Variants in CLSTN1 observed in about 807,000 individuals in gnomAD.
CLSTN1 encodes calsyntenin 1.
Under a neutral mutation model 108.3 loss-of-function variants are expected in CLSTN1, and 28 were observed. The observed-to-expected ratio is 0.26, with a 90% CI of 0.19 to 0.35. The LOEUF (loss-of-function observed/expected upper bound fraction) is 0.35, where lower values mean the gene tolerates loss of function less well. Among genes scored for constraint, CLSTN1 ranks in the 10% least tolerant of loss-of-function variants. The pLI is 1.00. For synonymous variants in CLSTN1, 524 were observed against 534.9 expected (o/e 0.98, Z 0.28); for missense variants, 1,157 against 1,302.6 (o/e 0.89, Z 1.72).
At chr1:9,804,768 G>A (rs1348058718) in intron 1 of CLSTN1, among the ~76,000 whole-genome samples, 1 of 152,160 alleles carries the variant, frequency 6.6e-6, no homozygotes, top group Admixed American at 6.6e-5. Flanking sequence ...GAAAGTCAAG[G>A]CTGCAGTGAG....
At chr1:9,802,965 C>T (rs914149850) in intron 1 of CLSTN1, among the ~76,000 whole-genome samples, 16 of 151,816 alleles carry the variant, frequency 1.1e-4, no homozygotes, top group African/African-American at 3.6e-4. Context: ...ACTGGGGCCA[C>T]AGGCACCTGC....
At chr1:9,733,652 T>C in intron 15 of CLSTN1, 106 bp from the exon 16 acceptor site, 1 of 1,362,812 alleles carries the variant, frequency 7.3e-7, no homozygotes, top group Non-Finnish European at 1.0e-6. Context: ...CCAGGTTAGC[T>C]AGGCCAAGGG....
At chr1:9,744,969 GC>G in intron 7 of CLSTN1, among the ~76,000 whole-genome samples, 2 of 152,270 alleles carry the variant, frequency 1.3e-5, no homozygotes, top group Middle Eastern at 6.8e-3. Context: ...GGCCAGGCTG[GC>G]CTGGAACTCC....
chr1:9,786,358 G>T (rs1197522458), intron 1 of CLSTN1, among the ~76,000 whole-genome samples: 1 of 151,828 alleles, frequency 6.6e-6, no homozygotes, highest in Non-Finnish European at 1.5e-5. Context: ...TACGAAAGGT[G>T]AGGCTGGGCG....
rs1475470415 is a variant in CLSTN1, at chr1:9,735,490, T to C, written c.1860A>G (p.Arg620=). 3 of 1,614,006 alleles carry C rather than the reference T, an allele frequency of 1.9e-6. No individual in the cohort carries two copies. Among genetic ancestry groups the C allele is most frequent in the African/African-American group, 2.7e-5 (2 of 74,898 alleles). Residue 620 remains arginine, a synonymous_variant, in exon 13 of 19, where the codon AGA becomes AGG. Transcript: ENST00000377298. The part of the protein sequence containing the change: ...SRQFPTPGIR[R]LKITSTIKCF... ...ACTTGATTGTGCTGGTGATTTTGAG[T>C]CTGCGAATTCCGGGCGTGGGGAACT...
chr1:9,730,568 G>T lies in CLSTN1; in HGVS notation c.2886C>A (p.Asp962Glu), dbSNP rs150910188. The change falls in exon 19 of 19, where the codon GAC (aspartate) becomes GAA (glutamate). Residue 962 changes from aspartate (D) to glutamate (E), a missense_variant. By Grantham distance (45) the Asp-to-Glu change is conservative (BLOSUM62 2). Transcript: ENST00000377298. The surrounding 1 kb of genome is among the most constrained non-coding windows in gnomAD (Gnocchi z 5.6). ...GCTGCTGCCGGGTTGCGTTCTGGGGGTCGCCCTGCTCCCCCTCCTCCTCCT... is the reference window on the plus strand; with the variant it reads ...GCTGCTGCCGGGTTGCGTTCTGGGGTTCGCCCTGCTCCCCCTCCTCCTCCT... ...SSEEEEGEQG[D>E]PQNATRQQQL... 7 of 1,608,744 alleles carry T rather than the reference G, an allele frequency of 4.4e-6. No individual in the cohort carries two copies. The highest frequency in any genetic ancestry group is 1.3e-5 in the African/African-American group (1 of 74,862).
chr1:9,731,012 A>T (rs1650352989), intron 18 of CLSTN1, 194 bp downstream of exon 18: 1 of 672,964 alleles, frequency 1.5e-6, no homozygotes, highest in Non-Finnish European at 2.5e-6. Flanking sequence ...TCTTCTCTAC[A>T]CTTAAGGCAG....
chr1:9,814,505 G>C (rs1654893687), intron 1 of CLSTN1, among the ~76,000 whole-genome samples: 1 of 152,196 alleles, frequency 6.6e-6, no homozygotes, highest in Non-Finnish European at 1.5e-5. Flanking sequence ...TTATATGTTT[G>C]AAGATTGGGT....
chr1:9,804,547 T>C (rs1463303454), intron 1 of CLSTN1, among the ~76,000 whole-genome samples: 1 of 151,676 alleles, frequency 6.6e-6, no homozygotes, highest in East Asian at 2.0e-4. Context: ...GCTTCTCCAC[T>C]TAAGAAAGCA....
At chr1:9,768,371 T>G (rs1418756317) in intron 2 of CLSTN1, among the ~76,000 whole-genome samples, 4 of 103,924 alleles carry the variant, frequency 3.8e-5, no homozygotes, top group African/African-American at 7.4e-5. Flanking sequence ...GATTCTGTGT[T>G]GGGCGGCACC....
At position 9,736,012 on chromosome 1, in the gene CLSTN1, C is replaced by T. The variant is rs370456121; in HGVS notation, c.1607G>A (p.Arg536Gln). The T allele has an allele frequency of 1.5e-5, 24 of 1,614,064 alleles. No homozygotes were observed. Among genetic ancestry groups the T allele is most frequent in the Admixed American group, 6.7e-5 (4 of 59,998 alleles). ...GAGAGTTAAGCCAGCCAGATTGCCT[C>T]GGAAAAACTGGGTCATGTGCAGGTC... ...GGDLHMTQFF[R>Q]GNLAGLTLRS... Residue 536 changes from arginine to glutamine, a missense_variant, in exon 12 of 19, where the codon CGA becomes CAA. Physicochemically the swap from Arg to Gln is conservative, Grantham distance 43. Coordinates refer to ENST00000377298, the MANE Select transcript of CLSTN1 (RefSeq NM_001009566.3).
chr1:9,785,066 C>T lies in CLSTN1; in HGVS notation c.92-11672G>A, dbSNP rs938033300. 4.7e-5 allele frequency among the ~76,000 whole-genome samples: 7 copies of T among 150,054 alleles called. No individual in the cohort carries two copies. The Admixed American group carries it at 4.7e-4, about 10-fold the overall frequency. ...AAGTGAAATAAAACTACAATGTGTG[C>T]CACCACTCCCAGCTAATTTTTGTTA... On this transcript the variant is annotated intron_variant, in intron 1 of 18. Transcript: ENST00000377298.
chr1:9,739,975 C>A (rs1650893751), intron 10 of CLSTN1, among the ~76,000 whole-genome samples: 2 of 152,072 alleles, frequency 1.3e-5, no homozygotes, highest in African/African-American at 4.8e-5. Flanking sequence ...CGCCACCATG[C>A]CTGGCTAATT....
In CLSTN1 at chr1:9,815,981, C is replaced by T. The variant is rs12072960; in HGVS notation, c.91+7662G>A. Among the ~76,000 whole-genome samples the T allele has an allele frequency of 9.0e-3, 1,364 of 152,092 alleles. 22 individuals carry two copies. The highest frequency in any genetic ancestry group is 0.03 in the African/African-American group (1,264 of 41,472). ...TAAAAAGTTAAATCTAAGAGTTACC[C>T]TAAGACCCAACAATTCCACTTGGGT... On this transcript the variant is annotated intron_variant, in intron 1 of 18. Coordinates refer to ENST00000377298, the MANE Select transcript of CLSTN1 (RefSeq NM_001009566.3).
rs74051979 is a variant in CLSTN1, at chr1:9,764,106, A to G, written c.215-7596T>C. On this transcript the variant is annotated intron_variant, in intron 2 of 18. Coordinates refer to ENST00000377298, the MANE Select transcript of CLSTN1 (RefSeq NM_001009566.3). ...GAAATCACATGGTGAGGGAGAAAGA[A>G]AGAGAGAGAGAGAGAGAGAGAGAGG... Among the ~76,000 whole-genome samples the G allele has an allele frequency of 7.9e-4, 96 of 120,810 alleles. No individual in the cohort carries two copies. The South Asian group carries it at 8.1e-3, about 10-fold the overall frequency. 79.3% of individuals were successfully genotyped at this position (120,810 alleles called of 152,430 possible).
chr1:9,812,381 C>T (rs928756480), intron 1 of CLSTN1, among the ~76,000 whole-genome samples: 1 of 152,108 alleles, frequency 6.6e-6, no homozygotes, highest in Non-Finnish European at 1.5e-5. Flanking sequence ...GAGCATTGGC[C>T]AGAGATGCAG....
intron 8 of CLSTN1, 75 bp downstream of exon 8, chr1:9,744,320 G>C (rs1007393298): frequency 1.0e-5 from 16 of 1,530,110 alleles, no homozygotes; most frequent in African/African-American, 1.4e-5. Context: ...CCTGGGAAAG[G>C]AGAGGGAGCC....
intron 1 of CLSTN1, among the ~76,000 whole-genome samples, chr1:9,787,528 C>A (rs937447439): frequency 3.3e-5 from 5 of 150,530 alleles, no homozygotes; most frequent in African/African-American, 1.2e-4. Context: ...CTCAGCCTCC[C>A]GGGTAGCTGG....
intron 1 of CLSTN1, among the ~76,000 whole-genome samples, chr1:9,819,427 T>C (rs1455071540): frequency 1.3e-5 from 2 of 152,212 alleles, no homozygotes; most frequent in East Asian, 3.8e-4. Context: ...ATTACAGCAT[T>C]TTCTATTTTC....
Sources: gnomAD v4.1 joint callset for allele counts (sites outside exome capture counted in the v4.1 genomes callset) on GRCh38, gnomAD v4.1.1 for gene constraint, Gnocchi (gnomAD v3.1) non-coding constraint, MANE v1.5 for transcripts, NCBI Gene and HGNC (gene_info 2026-07-23, HGNC 2026-07-21) for gene names.